LPP: variants seen among roughly 807,000 people sequenced by gnomAD.
LPP encodes lipoma-preferred partner.
A neutral mutation model predicts 60.4 loss-of-function variants in LPP; 38 were observed. That is an observed-to-expected ratio of 0.63 (90% CI 0.49 to 0.83). LPP has a LOEUF of 0.83. LPP is among the 40% of genes least tolerant of loss of function. The pLI is 0.00. For missense variants in LPP, 902 were observed against 783.6 expected (o/e 1.15, Z -1.80); for synonymous variants, 328 against 290.8 (o/e 1.13, Z -1.30).
chr3:188,435,555 GTTTTC>G (rs1311331023), intron 4 of LPP, among the ~76,000 whole-genome samples: 4 of 151,824 alleles, frequency 2.6e-5, no homozygotes, highest in Non-Finnish European at 4.4e-5. Context: ...ATTAATACCT[GTTTTC>G]TTTTCAGGAT....
At chr3:188,229,607 G>C (rs767805097) in intron 2 of LPP, among the ~76,000 whole-genome samples, 9 of 152,230 alleles carry the variant, frequency 5.9e-5, no homozygotes, top group Non-Finnish European at 1.2e-4. Flanking sequence ...GGTCTGAGCA[G>C]TGACCTATCC....
chr3:188,818,114 G>A (rs891653370), intron 9 of LPP, among the ~76,000 whole-genome samples: 2 of 152,044 alleles, frequency 1.3e-5, no homozygotes, highest in Admixed American at 1.3e-4. Flanking sequence ...AATCAATCCC[G>A]GTATTGAGCA....
At chr3:188,459,370 GGAGA>G (rs1363009634) in intron 4 of LPP, among the ~76,000 whole-genome samples, 2 of 152,140 alleles carry the variant, frequency 1.3e-5, no homozygotes, top group African/African-American at 2.4e-5. Flanking sequence ...AGAGAAAAGA[GGAGA>G]GAGAGCACAT....
At chr3:188,221,736 C>T (rs1474060116) in intron 1 of LPP, among the ~76,000 whole-genome samples, 1 of 152,132 alleles carries the variant, frequency 6.6e-6, no homozygotes, top group Non-Finnish European at 1.5e-5. Flanking sequence ...AATATAATAG[C>T]AAGGTAGAAT....
intron 2 of LPP, among the ~76,000 whole-genome samples, chr3:188,290,296 T>C (rs1035909337): frequency 7.9e-5 from 12 of 152,184 alleles, no homozygotes; most frequent in African/African-American, 2.9e-4. Context: ...TTTTGTGTAC[T>C]GTTTAGGGAC....
In LPP at chr3:188,878,645, G is replaced by C. The variant is rs1356686918; in HGVS notation, c.*4166G>C. Reference sequence around the variant, plus strand: ...GACAATCAGAGAACAACATATACTTGTGCCTTATTTTCAAAGAATCTATTT... The same window carrying C: ...GACAATCAGAGAACAACATATACTTCTGCCTTATTTTCAAAGAATCTATTT... On this transcript the variant is annotated 3_prime_UTR_variant, in exon 12 of 12. Transcript: ENST00000617246. 4.9e-6 allele frequency: 1 copy of C among 203,868 alleles called. No individual in the cohort carries two copies. The highest frequency in any genetic ancestry group is 2.3e-5 in the African/African-American group (1 of 43,548). The allele number at this position is 203,868 out of a possible 1,614,324, so 12.6% of individuals were successfully genotyped here. A position where few individuals can be genotyped will look rare whatever the true frequency, so the allele number is the denominator to read the frequency against.
intron 8 of LPP, among the ~76,000 whole-genome samples, chr3:188,717,233 G>A (rs1042581142): frequency 3.9e-5 from 6 of 152,172 alleles, no homozygotes; most frequent in African/African-American, 1.4e-4. Context: ...TTGCTGAATT[G>A]GTCATGGGCC....
intron 4 of LPP, among the ~76,000 whole-genome samples, chr3:188,453,537 C>T (rs1008855947): frequency 3.9e-5 from 6 of 152,002 alleles, no homozygotes; most frequent in African/African-American, 4.8e-5. Context: ...CTCACCTCAG[C>T]GCCAGTTGCT....
At position 188,387,131 on chromosome 3, in the gene LPP, C is replaced by T. The variant is rs1305982268; in HGVS notation, c.-9-18981C>T. Among the ~76,000 whole-genome samples the T allele has an allele frequency of 2.6e-5, 4 of 152,104 alleles. No homozygotes were observed. The East Asian group carries it at 7.8e-4, about 30-fold the overall frequency. On this transcript the variant is annotated intron_variant, in intron 3 of 11. Coordinates refer to ENST00000617246, the MANE Select transcript of LPP (RefSeq NM_001375462.1). ...ATCTGTAAGGCACTTAATAATTTGT[C>T]CCCTCTTCTTAAACTTGTACAAGTG...
chr3:188,228,309 G>T (rs1718573527), intron 2 of LPP, among the ~76,000 whole-genome samples: 1 of 152,208 alleles, frequency 6.6e-6, no homozygotes, highest in Non-Finnish European at 1.5e-5. Context: ...TCCAGAGTCT[G>T]CTGGGGTCTC....
At chr3:188,370,380 A>G (rs545111977) in intron 3 of LPP, among the ~76,000 whole-genome samples, 3 of 152,294 alleles carry the variant, frequency 2.0e-5, no homozygotes, top group East Asian at 3.9e-4. Context: ...CCCTGGAGTG[A>G]TGGCAGCAAG....
intron 2 of LPP, among the ~76,000 whole-genome samples, chr3:188,240,591 A>G (rs1225786305): frequency 1.3e-5 from 2 of 152,304 alleles, no homozygotes; most frequent in Admixed American, 6.5e-5. Flanking sequence ...GTTATTGAGT[A>G]GTTAGGATAT....
chr3:188,465,580 A>AT (rs1214066223), intron 4 of LPP, among the ~76,000 whole-genome samples: 1 of 152,202 alleles, frequency 6.6e-6, no homozygotes, highest in Non-Finnish European at 1.5e-5. Context: ...CAATGTGTCG[A>AT]AAACCACAAT....
intron 8 of LPP, among the ~76,000 whole-genome samples, chr3:188,737,620 T>A (rs1158748195): frequency 6.6e-6 from 1 of 152,194 alleles, no homozygotes; most frequent in Non-Finnish European, 1.5e-5. Flanking sequence ...TGTGTTCTTT[T>A]TGGTCTTAAG....
chr3:188,606,461 G>T (rs573156936), intron 6 of LPP, among the ~76,000 whole-genome samples: 8 of 151,938 alleles, frequency 5.3e-5, no homozygotes, highest in Non-Finnish European at 1.0e-4. Flanking sequence ...TGTTTGGTTG[G>T]TTTTTGTGTT....
At chr3:188,300,129 C>G (rs1577949554) in intron 2 of LPP, among the ~76,000 whole-genome samples, 1 of 152,084 alleles carries the variant, frequency 6.6e-6, no homozygotes, top group Non-Finnish European at 1.5e-5. Flanking sequence ...GTCCATCATC[C>G]AGGGACATCA....
chr3:188,232,005 G>A (rs1045675467), intron 2 of LPP, among the ~76,000 whole-genome samples: 7 of 152,114 alleles, frequency 4.6e-5, no homozygotes, highest in African/African-American at 1.7e-4. Context: ...CTTTGAGACT[G>A]ACAAGACCAG....
intron 3 of LPP, among the ~76,000 whole-genome samples, chr3:188,368,747 G>A (rs866669662): frequency 2.9e-4 from 36 of 123,868 alleles, no homozygotes; most frequent in African/African-American, 9.3e-4. Flanking sequence ...GAGAGAGAGA[G>A]AACAGATGAA....
chr3:188,407,503 G>C (rs1578666406), intron 4 of LPP, among the ~76,000 whole-genome samples: 2 of 152,196 alleles, frequency 1.3e-5, no homozygotes, highest in Admixed American at 1.3e-4. Flanking sequence ...CTTTTCCTCA[G>C]AAAGTACAAG....
Sources: allele counts gnomAD v4.1 joint callset (sites outside exome capture counted in the v4.1 genomes callset), GRCh38; gene constraint gnomAD v4.1.1; transcripts MANE v1.5; gene names NCBI Gene and HGNC (gene_info 2026-07-23, HGNC 2026-07-21).